Variants in RANBP2 observed in about 807,000 individuals in gnomAD.
RANBP2 encodes E3 SUMO-protein ligase RanBP2.
RANBP2 carries 57 observed loss-of-function variants against 303.6 expected under a neutral mutation model. That is an observed-to-expected ratio of 0.19 (90% CI 0.15 to 0.23). The LOEUF is 0.23. RANBP2 is among the 10% of genes least tolerant of loss of function. RANBP2 has a pLI of 1.00. For synonymous variants in RANBP2, 1,167 were observed against 1,301.5 expected, an observed-to-expected ratio of 0.90 and a Z score of 2.23; for missense variants, 3,138 against 3,780.8, an observed-to-expected ratio of 0.83 and a Z score of 4.46.
At chr2:109,381,376 G>T in the RANBP2 span, among the ~76,000 whole-genome samples, 1 of 152,178 alleles carries the variant, frequency 6.6e-6, no homozygotes, top group African/African-American at 2.4e-5. Context: ...CAATGGCGGG[G>T]TTACTTTTAC....
At chr2:108,783,026 C>T (rs962723227) in intron 28 of RANBP2, among the ~76,000 whole-genome samples, 164 bp downstream of exon 28, 1 of 152,074 alleles carries the variant, frequency 6.6e-6, no homozygotes, top group East Asian at 1.9e-4. Context: ...TTCCCTGCTC[C>T]TGCCTAAAAC....
the RANBP2 span, among the ~76,000 whole-genome samples, chr2:109,277,457 G>A: frequency 1.3e-5 from 2 of 152,286 alleles, no homozygotes; most frequent in African/African-American, 2.4e-5. Flanking sequence ...AGTATCTCCC[G>A]TGAAGAGTCC....
intron 6 of RANBP2, among the ~76,000 whole-genome samples, chr2:108,737,319 T>TTTTC (rs1231181090): frequency 9.9e-5 from 15 of 150,802 alleles, no homozygotes; most frequent in African/African-American, 3.4e-4. Flanking sequence ...GGGTTCCTTT[T>TTTTC]TTTCTTTCTT....
At chr2:109,343,944 G>A in the RANBP2 span, among the ~76,000 whole-genome samples, 5 of 152,008 alleles carry the variant, frequency 3.3e-5, no homozygotes, top group Admixed American at 1.3e-4. Flanking sequence ...GGGTCTCAGC[G>A]TGTTGCCCAG....
At chr2:109,637,532 C>A in the RANBP2 span, among the ~76,000 whole-genome samples, 1 of 152,190 alleles carries the variant, frequency 6.6e-6, no homozygotes, top group Non-Finnish European at 1.5e-5. Context: ...GAGTTCCCTG[C>A]GGCTTTCTGC....
chr2:109,424,910 G>T, the RANBP2 span, among the ~76,000 whole-genome samples: 1 of 152,204 alleles, frequency 6.6e-6, no homozygotes, highest in South Asian at 2.1e-4. Context: ...AGTTAGAAAT[G>T]ATTAAGCTTG....
the RANBP2 span, among the ~76,000 whole-genome samples, chr2:109,536,073 A>G: frequency 6.6e-6 from 1 of 150,428 alleles, no homozygotes; most frequent in African/African-American, 2.5e-5. Flanking sequence ...TCTCTCATGG[A>G]GAACCTCTGC....
the RANBP2 span, among the ~76,000 whole-genome samples, chr2:109,145,759 G>A: frequency 1.3e-5 from 2 of 152,198 alleles, no homozygotes; most frequent in African/African-American, 2.4e-5. Flanking sequence ...GTGAAAGGGC[G>A]GGAACCCAGG....
At chr2:109,474,885 G>A in the RANBP2 span, among the ~76,000 whole-genome samples, 1 of 152,256 alleles carries the variant, frequency 6.6e-6, no homozygotes, top group African/African-American at 2.4e-5. Context: ...AGAGCCAGCA[G>A]GGAAGGGCAG....
the RANBP2 span, among the ~76,000 whole-genome samples, chr2:108,971,853 A>G: frequency 1.3e-5 from 2 of 152,342 alleles, no homozygotes; most frequent in East Asian, 3.9e-4. Flanking sequence ...AACAGAAAAA[A>G]GGGCAGAAGA....
the RANBP2 span, among the ~76,000 whole-genome samples, chr2:109,069,077 C>T: frequency 1.8e-4 from 27 of 152,228 alleles, 1 homozygote; most frequent in Admixed American, 7.2e-4. Context: ...ATAACACATG[C>T]GTTTCACTGA....
At chr2:109,735,309 G>A in the RANBP2 span, among the ~76,000 whole-genome samples, 1 of 152,048 alleles carries the variant, frequency 6.6e-6, no homozygotes, top group African/African-American at 2.4e-5. Flanking sequence ...AATCCTCTAG[G>A]TTCATTCACG....
chr2:109,470,612 C>T, the RANBP2 span, among the ~76,000 whole-genome samples: 1 of 152,250 alleles, frequency 6.6e-6, no homozygotes. Flanking sequence ...CAGGCAGTTA[C>T]ACCAAGCTCC....
rs143787538 is a variant in RANBP2 at position 108,765,542 on chromosome 2, A to G, written c.5003A>G (p.Gln1668Arg). 2 of 1,559,916 alleles carry G rather than the reference A, an allele frequency of 1.3e-6. No homozygotes were observed. The highest frequency in any genetic ancestry group is 1.7e-6 in the Non-Finnish European group (2 of 1,157,618). ...FEGMFTKKEG[Q>R]WDCSVCLVRN... ...GGAATGTTCACTAAGAAGGAGGGACAGTGGGATTGCAGTGTGTGCTTAGTA... is the reference window on the plus strand; with the variant it reads ...GGAATGTTCACTAAGAAGGAGGGACGGTGGGATTGCAGTGTGTGCTTAGTA... Residue 1668 changes from glutamine (Q) to arginine (R), a missense_variant, in exon 20 of 29, where the codon CAG becomes CGG. By Grantham distance (43) the Gln-to-Arg change is conservative. Coordinates refer to ENST00000283195, the MANE Select transcript of RANBP2 (RefSeq NM_006267.5).
the RANBP2 span, among the ~76,000 whole-genome samples, chr2:109,015,722 T>A: frequency 6.6e-6 from 1 of 152,032 alleles, no homozygotes; most frequent in Non-Finnish European, 1.5e-5. Flanking sequence ...CATGTCACTG[T>A]ACTCCAGCTT....
the RANBP2 span, among the ~76,000 whole-genome samples, chr2:109,064,114 C>G: frequency 6.6e-6 from 1 of 152,128 alleles, no homozygotes; most frequent in African/African-American, 2.4e-5. Context: ...CCTGTGATAA[C>G]TCTGTAAGGT....
the RANBP2 span, chr2:108,878,281 T>C: frequency 6.1e-6 from 1 of 164,264 alleles, no homozygotes; most frequent in African/African-American, 2.4e-5. Flanking sequence ...ATCATCATGA[T>C]GTGTACAGTT....
chr2:109,035,426 A>G, the RANBP2 span, among the ~76,000 whole-genome samples: 1 of 152,124 alleles, frequency 6.6e-6, no homozygotes, highest in South Asian at 2.1e-4. Flanking sequence ...AAAAAAGCCT[A>G]GGGACCTCAG....
At chr2:108,889,441 T>C in the RANBP2 span, among the ~76,000 whole-genome samples, 1 of 152,198 alleles carries the variant, frequency 6.6e-6, no homozygotes, top group East Asian at 1.9e-4. Context: ...GATCTAATAA[T>C]ATTTGCTTTA....
Sources: gnomAD v4.1 joint callset for allele counts (sites outside exome capture counted in the v4.1 genomes callset) on GRCh38, gnomAD v4.1.1 for gene constraint, MANE v1.5 for transcripts, NCBI Gene and HGNC (gene_info 2026-07-23, HGNC 2026-07-21) for gene names.